Variants in ABHD5 observed in about 807,000 individuals in gnomAD.
ABHD5 encodes 1-acylglycerol-3-phosphate O-acyltransferase ABHD5.
A neutral mutation model predicts 44.9 loss-of-function variants in ABHD5; 30 were observed. That is an observed-to-expected ratio of 0.67 (90% confidence interval 0.50 to 0.91). ABHD5 has a LOEUF of 0.91. Ranked by LOEUF, ABHD5 falls within the 40% of genes least tolerant of loss-of-function variation. The pLI is 0.00. For synonymous variants in ABHD5, 167 were observed against 147.0 expected, an observed-to-expected ratio of 1.14 and a Z score of -0.99; for missense variants, 399 against 423.4, an observed-to-expected ratio of 0.94 and a Z score of 0.50.
intron 7 of ABHD5, among the ~76,000 whole-genome samples, chr3:43,730,733 T>C (rs1290452062): frequency 6.6e-6 from 1 of 152,182 alleles, no homozygotes; most frequent in Non-Finnish European, 1.5e-5. Context: ...TCTTGAACTC[T>C]TGGGCTCAAT....
At chr3:43,697,432 TG>T (rs1163234667) in intron 1 of ABHD5, among the ~76,000 whole-genome samples, 3 of 152,164 alleles carry the variant, frequency 2.0e-5, no homozygotes, top group Non-Finnish European at 2.9e-5. Context: ...GAGATTGAGT[TG>T]TAAGTAATTT....
At chr3:43,731,874 A>G (rs903678714) in intron 7 of ABHD5, among the ~76,000 whole-genome samples, 3 of 152,118 alleles carry the variant, frequency 2.0e-5, no homozygotes, top group Non-Finnish European at 4.4e-5. Flanking sequence ...TTAAAAATTA[A>G]GAATTTCAGG....
At chr3:43,731,644 C>A (rs890874512) in intron 7 of ABHD5, among the ~76,000 whole-genome samples, 3 of 152,052 alleles carry the variant, frequency 2.0e-5, no homozygotes, top group African/African-American at 7.2e-5. Context: ...CCAGCCTGAC[C>A]AACATGGAGA....
At chr3:43,715,113 G>GTC in intron 5 of ABHD5, 55 bp downstream of exon 5, 1 of 1,139,808 alleles carries the variant, frequency 8.8e-7, no homozygotes, top group South Asian at 1.3e-5. Flanking sequence ...GTGTGTGTGT[G>GTC]TGTGTGTTTG....
chr3:43,711,343 G>A (rs992815157), intron 3 of ABHD5, among the ~76,000 whole-genome samples: 4 of 152,166 alleles, frequency 2.6e-5, no homozygotes, highest in Non-Finnish European at 5.9e-5. Context: ...AGACATACAT[G>A]GAACCATTGG....
chr3:43,699,842 C>G (rs2084517982), intron 2 of ABHD5: 1 of 164,738 alleles, frequency 6.1e-6, no homozygotes, highest in African/African-American at 2.4e-5. Context: ...TGCTTTCAGT[C>G]TGATGGGTAA....
At chr3:43,690,881 G>A (rs766649239), upstream of ABHD5, 186 of 1,210,304 alleles carry the variant, frequency 1.5e-4, no homozygotes, top group Non-Finnish European at 1.9e-4. Context: ...GTGCGCGGAA[G>A]ACGCATGCGC....
At chr3:43,732,431 A>AAAAAC (rs768745303) in intron 7 of ABHD5, among the ~76,000 whole-genome samples, 3 of 152,074 alleles carry the variant, frequency 2.0e-5, no homozygotes, top group Admixed American at 6.5e-5. Flanking sequence ...TCTGTGTCTC[A>AAAAAC]AAAACAAAAC....
chr3:43,733,802 A>G (rs1345924800), intron 7 of ABHD5: 2 of 152,206 alleles, frequency 1.3e-5, no homozygotes, highest in South Asian at 2.1e-4. Flanking sequence ...TGATTGCATC[A>G]TGTTAGGTTG....
chr3:43,690,909 T>C, upstream of ABHD5: 3 of 1,446,700 alleles, frequency 2.1e-6, no homozygotes, highest in Non-Finnish European at 1.8e-6. Flanking sequence ...CTGCGCCGCC[T>C]TAAGTGCCGC....
At chr3:43,714,650 AATTT>A (rs1270558523) in intron 4 of ABHD5, among the ~76,000 whole-genome samples, 1 of 152,204 alleles carries the variant, frequency 6.6e-6, no homozygotes, top group Non-Finnish European at 1.5e-5. Flanking sequence ...ACGTTTAAAG[AATTT>A]ATTTACCTAC....
chr3:43,707,923 C>T (rs1340872534), intron 3 of ABHD5, among the ~76,000 whole-genome samples: 1 of 152,180 alleles, frequency 6.6e-6, no homozygotes, highest in African/African-American at 2.4e-5. Context: ...AGCTACCACG[C>T]CTGACCTGAT....
intron 3 of ABHD5, among the ~76,000 whole-genome samples, chr3:43,711,446 T>A (rs2084687232): frequency 6.6e-6 from 1 of 152,216 alleles, no homozygotes; most frequent in African/African-American, 2.4e-5. Flanking sequence ...AACACACAGT[T>A]CTGTACTCTA....
chr3:43,699,124 C>T (rs1012201032), intron 1 of ABHD5, 152 bp from the exon 2 acceptor site: 36 of 716,624 alleles, frequency 5.0e-5, no homozygotes, highest in Admixed American at 1.6e-4. Flanking sequence ...TACCACCATG[C>T]TTTGTGCATG....
chr3:43,708,164 G>A (rs1222812790), intron 3 of ABHD5, among the ~76,000 whole-genome samples: 3 of 152,188 alleles, frequency 2.0e-5, no homozygotes, highest in Non-Finnish European at 4.4e-5. Context: ...TTTCAAAACT[G>A]ATGAGCTGTT....
At position 43,711,725 on chromosome 3, in the gene ABHD5, T is replaced by G; in HGVS notation, c.523T>G (p.Leu175Val). The change falls in exon 4 of 7, where the codon TTA (leucine) becomes GTA (valine). Residue 175 changes from leucine (L) to valine (V), a missense_variant. Leu to Val is a conservative substitution (Grantham distance 32, BLOSUM62 1). Coordinates refer to ENST00000644371, the MANE Select transcript of ABHD5 (RefSeq NM_016006.6). ...CCCCAACAGGGTTAATCATCTCATT[T>G]TAGTGGAGCCTTGGGGTTTCCCTGA... is the stretch of plus-strand genomic sequence containing the variant. The part of the protein sequence containing the change: ...KYPSRVNHLI[L>V]VEPWGFPERP... 6.2e-7 allele frequency: 1 copy of G among 1,614,182 alleles called. No homozygotes were observed. The highest frequency in any genetic ancestry group is 8.5e-7 in the Non-Finnish European group (1 of 1,180,022).
chr3:43,727,695 A>G (rs72622918), downstream of ABHD5, among the ~76,000 whole-genome samples: 11,323 of 152,146 alleles, frequency 0.074, 560 homozygotes, highest in South Asian at 0.21. Flanking sequence ...TGCAACCTCC[A>G]GCTCCCGGGT....
At chr3:43,704,065 TCTCA>T (rs1273954445) in intron 3 of ABHD5, among the ~76,000 whole-genome samples, 1 of 134,790 alleles carries the variant, frequency 7.4e-6, no homozygotes, top group African/African-American at 2.8e-5. Flanking sequence ...TGAGCCGGAG[TCTCA>T]CTCGGTCGCC....
At chr3:43,705,810 G>A (rs2084610926) in intron 3 of ABHD5, among the ~76,000 whole-genome samples, 1 of 152,056 alleles carries the variant, frequency 6.6e-6, no homozygotes, top group South Asian at 2.1e-4. Context: ...CTCCTTTGGT[G>A]CCCTTTGGTC....
Sources: allele counts gnomAD v4.1 joint callset (sites outside exome capture counted in the v4.1 genomes callset), GRCh38; gene constraint gnomAD v4.1.1; transcripts MANE v1.5; gene names NCBI Gene and HGNC (gene_info 2026-07-23, HGNC 2026-07-21).